The following ECSIT variants were observed in gnomAD, a reference collection of about 807,000 sequenced individuals.
The protein encoded by ECSIT is ECSIT signaling integrator.
ECSIT carries 29 observed loss-of-function variants against 36.8 expected under a neutral mutation model. That is an observed-to-expected ratio of 0.79 (90% CI 0.59 to 1.08). The LOEUF (loss-of-function observed/expected upper bound fraction) is 1.08, where lower values mean the gene tolerates loss of function less well. Among genes scored for constraint, ECSIT ranks in the 50% least tolerant of loss-of-function variants. The pLI, the probability that ECSIT is intolerant of heterozygous loss-of-function variation, is 0.00. For missense variants in ECSIT, 542 were observed against 581.0 expected (o/e 0.93, Z 0.69); for synonymous variants, 231 against 234.8 (o/e 0.98, Z 0.15).
chr19:11,525,946 A>G (rs1599593082), intron 1 of ECSIT, among the ~76,000 whole-genome samples: 1 of 151,160 alleles, frequency 6.6e-6, no homozygotes, highest in South Asian at 2.1e-4. Context: ...GCCCTATCCC[A>G]GACCTACTGA....
chr19:11,506,123 T>C lies in ECSIT; in HGVS notation c.*61A>G, dbSNP rs1971728696. The C allele has an allele frequency of 6.3e-7, 1 of 1,587,272 alleles. No individual in the cohort carries two copies. The stretch of plus-strand genomic sequence containing the variant: ...TGATTTGCTGTACACTCAAAGGGCA[T>C]CTCATGCCTTCAGTCCACCGCCTCC... On this transcript the variant is annotated 3_prime_UTR_variant, in exon 8 of 8. Coordinates refer to ENST00000270517, the MANE Select transcript of ECSIT (RefSeq NM_016581.5).
At chr19:11,506,462 A>G in intron 7 of ECSIT, 34 bp from the exon 8 acceptor site, 1 of 1,582,220 alleles carries the variant, frequency 6.3e-7, no homozygotes, top group South Asian at 1.1e-5. Flanking sequence ...AGGTTTGCAC[A>G]GTGGGGGCTG....
intron 4 of ECSIT, among the ~76,000 whole-genome samples, chr19:11,509,657 A>T (rs554351574): frequency 6.6e-6 from 1 of 151,360 alleles, no homozygotes; most frequent in East Asian, 2.1e-4. Context: ...AGTCCCTGCT[A>T]CATGGGAGGC....
At chr19:11,526,244 T>G (rs1050240514) in intron 1 of ECSIT, among the ~76,000 whole-genome samples, 14 of 152,170 alleles carry the variant, frequency 9.2e-5, no homozygotes, top group Admixed American at 8.5e-4. Context: ...ATTACAGGCA[T>G]GAGCCACTGC....
chr19:11,509,379 G>T (rs115594321), intron 4 of ECSIT, among the ~76,000 whole-genome samples: 20,665 of 145,116 alleles, frequency 0.14, 3,197 homozygotes, highest in African/African-American at 0.38. Context: ...CGCTGACAAA[G>T]TTTTTTTTTT....
chr19:11,519,233 C>G lies in ECSIT; in HGVS notation c.-23-40G>C. 1 of 1,375,104 alleles carries G rather than the reference C, an allele frequency of 7.3e-7. No individual in the cohort carries two copies. The highest frequency in any genetic ancestry group is 1.0e-6 in the Non-Finnish European group (1 of 995,828). The allele number at this position is 1,375,104 out of a possible 1,614,324, so 85.2% of individuals were successfully genotyped here. On this transcript the variant is annotated intron_variant, in intron 1 of 7. Coordinates refer to ENST00000270517, the MANE Select transcript of ECSIT (RefSeq NM_016581.5). The surrounding 1 kb of genome is among the most constrained non-coding windows in gnomAD (Gnocchi z 4.4). Reference sequence around the variant, plus strand: ...GATTCAGCATTAGCCTGGCACCTTACAGATGCTAACAGACGCAAGGGCCCC... The same window carrying G: ...GATTCAGCATTAGCCTGGCACCTTAGAGATGCTAACAGACGCAAGGGCCCC...
intron 7 of ECSIT, 82 bp downstream of exon 7, chr19:11,507,375 A>T: frequency 1.7e-6 from 2 of 1,158,228 alleles, no homozygotes; most frequent in South Asian, 2.5e-5. Flanking sequence ...TCCTGGGCTC[A>T]AGTGATCCTC....
Position 11,519,098 on chromosome 19 carries a change from GGGCGGCCCCGCAGGTGCCTCCCCA to G in ECSIT, c.49_72del (p.Trp17_Ala24del), listed in dbSNP as rs1299119846. ...ACCTGAGAGATGGAGGTTCCTGTGA[GGGCGGCCCCGCAGGTGCCTCCCCA>G]GGCCCTACAGAGGCCTCGGGCCAGT... On this transcript the variant is annotated inframe_deletion, in exon 2 of 8. Transcript: ENST00000270517. The surrounding 1 kb of genome is among the most constrained non-coding windows in gnomAD (Gnocchi z 4.4). 1.3e-6 allele frequency: 2 copies of G among 1,551,212 alleles called. No individual in the cohort carries two copies. The highest frequency in any genetic ancestry group is 1.7e-6 in the Non-Finnish European group (2 of 1,146,966).
Position 11,513,941 on chromosome 19 carries a change from A to C in ECSIT, c.377T>G (p.Leu126Arg). 1 of 1,614,236 alleles carries C rather than the reference A, an allele frequency of 6.2e-7. No homozygotes were observed. The highest frequency in any genetic ancestry group is 8.5e-7 in the Non-Finnish European group (1 of 1,180,044). The change falls in exon 3 of 8, where the codon CTG becomes CGG. Residue 126 changes from leucine to arginine, a missense_variant. Leu to Arg is a moderately radical substitution (Grantham distance 102). Coordinates refer to ENST00000270517, the MANE Select transcript of ECSIT (RefSeq NM_016581.5). Reference sequence around the variant, plus strand: ...GTTGAGCAGCTGGTTGTACACAGCCAGGTCCCGCTCGACACCATACTCCCG... The same window carrying C: ...GTTGAGCAGCTGGTTGTACACAGCCCGGTCCCGCTCGACACCATACTCCCG... Reference protein sequence around the residue: ...KMREYGVERDLAVYNQLLNIF... With the variant: ...KMREYGVERDRAVYNQLLNIF...
intron 1 of ECSIT, among the ~76,000 whole-genome samples, chr19:11,522,944 AC>A (rs1179046820): frequency 6.7e-6 from 1 of 148,420 alleles, no homozygotes; most frequent in Non-Finnish European, 1.5e-5. Context: ...GGTGGCAGGC[AC>A]CTGTAGTCCC....
intron 7 of ECSIT, among the ~76,000 whole-genome samples, chr19:11,506,901 C>T (rs950702043): frequency 1.3e-5 from 2 of 152,310 alleles, no homozygotes; most frequent in Admixed American, 6.5e-5. Context: ...CTGCCCACTC[C>T]ACACTTCACC....
intron 3 of ECSIT, 135 bp from the exon 4 acceptor site, chr19:11,513,414 A>C: frequency 3.5e-6 from 3 of 854,618 alleles, no homozygotes; most frequent in South Asian, 1.4e-5. Context: ...TAGAAAGAAA[A>C]AGGCTCATGC....
chr19:11,522,388 G>A, intron 1 of ECSIT: 1 of 976,544 alleles, frequency 1.0e-6, no homozygotes, highest in Non-Finnish European at 1.6e-6. Flanking sequence ...CCACCGGCTG[G>A]CCGTCAAGCA....
In ECSIT at chr19:11,505,991, C is replaced by T; in HGVS notation, c.*193G>A. 2 of 1,033,390 alleles carry T rather than the reference C, an allele frequency of 1.9e-6. No homozygotes were observed. Among genetic ancestry groups the T allele is most frequent in the African/African-American group, 1.6e-5 (1 of 62,064 alleles). 64.0% of individuals were successfully genotyped at this position (1,033,390 alleles called of 1,614,324 possible). ...GAATTCGGAGAACCAGAGGCGCCTG[C>T]AGATTCTGGAGGGGTCTCGCCTGCC... On this transcript the variant is annotated 3_prime_UTR_variant, in exon 8 of 8. Coordinates refer to ENST00000270517, the MANE Select transcript of ECSIT (RefSeq NM_016581.5).
At chr19:11,525,237 G>A (rs564164786) in intron 1 of ECSIT, among the ~76,000 whole-genome samples, 2 of 151,244 alleles carry the variant, frequency 1.3e-5, no homozygotes, top group South Asian at 2.1e-4. Flanking sequence ...GGCCAGGCTC[G>A]GTGGCTCATG....
chr19:11,520,952 C>G (rs55857421), intron 1 of ECSIT, among the ~76,000 whole-genome samples: 1 of 151,842 alleles, frequency 6.6e-6, no homozygotes. Context: ...ATTACAGGCA[C>G]CCGCCACCAT....
At chr19:11,508,382 G>GTTTTTTTTTTTTTT (rs1418652426) in intron 4 of ECSIT, among the ~76,000 whole-genome samples, 10 of 115,804 alleles carry the variant, frequency 8.6e-5, no homozygotes, top group African/African-American at 5.3e-4. Context: ...ACTTAATTCC[G>GTTTTTTTTTTTTTT]ATTTTTTTTT....
chr19:11,520,095 G>A (rs1204843749), intron 1 of ECSIT: 1 of 151,814 alleles, frequency 6.6e-6, no homozygotes, highest in Non-Finnish European at 1.5e-5. Context: ...TCCCTATGCC[G>A]GCCATTTCAT....
At position 11,506,189 on chromosome 19, in the gene ECSIT, T is replaced by C. The variant is rs1452190508; in HGVS notation, c.1291A>G (p.Ser431Gly). 5 of 1,605,030 alleles carry C rather than the reference T, an allele frequency of 3.1e-6. No individual in the cohort carries two copies. Among genetic ancestry groups the C allele is most frequent in the Non-Finnish European group, 4.2e-6 (5 of 1,179,922 alleles). ...TGCCCTCGCGCCGGCTCAGACTAGC[T>C]CTGGCCCTGCTGCTGTCGCTGCAGG... ...DNLQRQQQGQS is the reference protein window; with the variant it reads ...DNLQRQQQGQG The change falls in exon 8 of 8, where the codon AGC becomes GGC. Residue 431 changes from serine (S) to glycine (G), a missense_variant. Coordinates refer to ENST00000270517, the MANE Select transcript of ECSIT (RefSeq NM_016581.5).
Sources: allele counts gnomAD v4.1 joint callset (sites outside exome capture counted in the v4.1 genomes callset), GRCh38; gene constraint gnomAD v4.1.1; non-coding constraint Gnocchi (gnomAD v3.1); transcripts MANE v1.5; gene names NCBI Gene and HGNC (gene_info 2026-07-23, HGNC 2026-07-21).